INPP5D: variants seen among roughly 807,000 people sequenced by gnomAD.
The protein encoded by INPP5D is phosphatidylinositol 3,4,5-trisphosphate 5-phosphatase 1.
INPP5D carries 33 observed loss-of-function variants against 122.9 expected under a neutral mutation model. The ratio of observed to expected loss-of-function variants is 0.27; its 90% CI spans 0.20 to 0.36. The LOEUF (loss-of-function observed/expected upper bound fraction) is 0.36. Among genes scored for constraint, INPP5D ranks in the 10% least tolerant of loss-of-function variants. The pLI, the probability that INPP5D is intolerant of heterozygous loss-of-function variation, is 1.00. For missense variants in INPP5D, 1,053 were observed against 1,412.7 expected (o/e 0.75, Z 4.08); for synonymous variants, 584 against 576.2 (o/e 1.01, Z -0.19).
chr2:233,089,528 C>T (rs1438615141), intron 2 of INPP5D, among the ~76,000 whole-genome samples: 2 of 152,184 alleles, frequency 1.3e-5, no homozygotes, highest in Admixed American at 1.3e-4. Context: ...GTTTCTCCAA[C>T]CACTGGAGGT....
chr2:233,062,125 C>G (rs1247455954), intron 1 of INPP5D, among the ~76,000 whole-genome samples: 6 of 152,250 alleles, frequency 3.9e-5, no homozygotes, highest in Non-Finnish European at 8.8e-5. Context: ...TCTCACAAGC[C>G]CAGTCTGACT....
chr2:233,159,528 T>C (rs1694144249), intron 10 of INPP5D, among the ~76,000 whole-genome samples: 1 of 133,706 alleles, frequency 7.5e-6, no homozygotes, highest in Non-Finnish European at 1.7e-5. Context: ...TGAGACCTCA[T>C]CTCTACGAAA....
At chr2:233,123,155 G>GA (rs1196712964) in intron 3 of INPP5D, among the ~76,000 whole-genome samples, 1 of 151,896 alleles carries the variant, frequency 6.6e-6, no homozygotes, top group Non-Finnish European at 1.5e-5. Context: ...AAAATATGTT[G>GA]AAAAAAATGT....
intron 1 of INPP5D, 35 bp from the exon 2 acceptor site, chr2:233,079,300 G>A: frequency 7.3e-7 from 1 of 1,367,206 alleles, no homozygotes. Flanking sequence ...GGGTCTTCCT[G>A]CATGGGTTCT....
At chr2:233,152,562 G>T (rs1260660611) in intron 9 of INPP5D, among the ~76,000 whole-genome samples, 3 of 152,182 alleles carry the variant, frequency 2.0e-5, no homozygotes, top group Non-Finnish European at 4.4e-5. Context: ...ATAAACTCTA[G>T]ACCTGGGGAT....
chr2:233,173,461 G>T (rs1020815991), intron 17 of INPP5D, among the ~76,000 whole-genome samples: 7 of 151,796 alleles, frequency 4.6e-5, no homozygotes, highest in African/African-American at 1.5e-4. Context: ...TTATTTATAA[G>T]CTTTTTATTT....
chr2:233,144,234 T>A (rs1444985371), intron 6 of INPP5D, among the ~76,000 whole-genome samples: 2 of 150,164 alleles, frequency 1.3e-5, no homozygotes, highest in Non-Finnish European at 3.0e-5. Context: ...GTGATGGTGA[T>A]GGTGATGGTG....
chr2:233,187,836 G>T (rs1694960019), intron 21 of INPP5D, among the ~76,000 whole-genome samples: 1 of 152,130 alleles, frequency 6.6e-6, no homozygotes, highest in Non-Finnish European at 1.5e-5. Context: ...CTCCTCCCTG[G>T]CTGCTTCCAG....
rs1694289026 is a variant in INPP5D, at chr2:233,164,900, T to C, written c.1555+476T>C. On this transcript the variant is annotated intron_variant, in intron 13 of 26. Transcript: ENST00000445964. The surrounding 1 kb of genome is among the most constrained non-coding windows in gnomAD (Gnocchi z 4.3). ...AGGCAACCCAGAAAGCGAATGGGAG[T>C]GACTGTGTTACCAGTGAGACCTTCC... 7.0e-6 allele frequency among the ~76,000 whole-genome samples: 1 copy of C among 142,434 alleles called. No homozygotes were observed. The highest frequency in any genetic ancestry group is 2.6e-5 in the African/African-American group (1 of 38,918). 93.4% of individuals were successfully genotyped at this position (142,434 alleles called of 152,430 possible).
rs148742517 is a variant in INPP5D, at chr2:233,167,664, T to C, written c.1556-1641T>C. Among the ~76,000 whole-genome samples the C allele has an allele frequency of 9.9e-3, 1,500 of 152,278 alleles. 6 individuals carry two copies. The highest frequency in any genetic ancestry group is 0.012 in the African/African-American group (495 of 41,562). On this transcript the variant is annotated intron_variant, in intron 13 of 26. Coordinates refer to ENST00000445964, the MANE Select transcript of INPP5D (RefSeq NM_001017915.3). ...GTCCTGACAAGGTTGAGCCAGGTGA[T>C]ATCCAGGGGTCCCTTCAGCCTATGG...
At chr2:233,063,723 A>G (rs1473244081) in intron 1 of INPP5D, among the ~76,000 whole-genome samples, 1 of 152,224 alleles carries the variant, frequency 6.6e-6, no homozygotes, top group African/African-American at 2.4e-5. Flanking sequence ...CGGGGCACAG[A>G]CAGTTGCAGT....
At chr2:233,163,007 G>A (rs573955081) in intron 11 of INPP5D, among the ~76,000 whole-genome samples, 37 of 152,168 alleles carry the variant, frequency 2.4e-4, no homozygotes, top group Non-Finnish European at 4.1e-4. Flanking sequence ...CCACCAGCCC[G>A]GGGGTTCGGG....
intron 10 of INPP5D, among the ~76,000 whole-genome samples, chr2:233,159,605 G>C (rs1306934783): frequency 6.8e-6 from 1 of 147,776 alleles, no homozygotes; most frequent in Admixed American, 6.9e-5. Flanking sequence ...GAAGTGGGAG[G>C]ATCGCTTGAA....
Position 233,207,887 on chromosome 2 carries a change from T to C in INPP5D, c.*1179T>C, listed in dbSNP as rs1695555692. 1 of 152,330 alleles carries C rather than the reference T, an allele frequency of 6.6e-6. No homozygotes were observed. Among genetic ancestry groups the C allele is most frequent in the African/African-American group, 2.4e-5 (1 of 41,426 alleles). The allele number at this position is 152,330 out of a possible 1,614,324, so 9.4% of individuals were successfully genotyped here. ...ATGGAAGTCTGCGTAACCAATAAAT[T>C]GTGCCTTTCTCACTCAGCTGTGTGT... On this transcript the variant is annotated 3_prime_UTR_variant, in exon 27 of 27. Coordinates refer to ENST00000445964, the MANE Select transcript of INPP5D (RefSeq NM_001017915.3). The surrounding 1 kb of genome is among the most constrained non-coding windows in gnomAD (Gnocchi z 4.6).
chr2:233,090,741 T>A (rs938381532), intron 2 of INPP5D, among the ~76,000 whole-genome samples: 2 of 152,132 alleles, frequency 1.3e-5, no homozygotes, highest in Non-Finnish European at 2.9e-5. Context: ...GTGGATCACC[T>A]GAGGTCAGGA....
In INPP5D at chr2:233,165,263, G is replaced by A. The variant is rs141353433; in HGVS notation, c.1555+839G>A. Among the ~76,000 whole-genome samples the A allele has an allele frequency of 6.4e-4, 97 of 152,310 alleles. 1 individual carries two copies. The highest frequency in any genetic ancestry group is 2.2e-3 in the African/African-American group (93 of 41,568). On this transcript the variant is annotated intron_variant, in intron 13 of 26. Coordinates refer to ENST00000445964, the MANE Select transcript of INPP5D (RefSeq NM_001017915.3). Reference sequence around the variant, plus strand: ...TATCTATGAGTGTGTGTCTATATGTGTGTGAATCTATGCATGTGTTTGAGT... The same window carrying A: ...TATCTATGAGTGTGTGTCTATATGTATGTGAATCTATGCATGTGTTTGAGT...
chr2:233,190,929 T>C (rs1216397111), intron 22 of INPP5D, among the ~76,000 whole-genome samples: 1 of 152,184 alleles, frequency 6.6e-6, no homozygotes, highest in East Asian at 1.9e-4. Flanking sequence ...TCTGCAGTGA[T>C]CAAGACGACA....
intron 2 of INPP5D, among the ~76,000 whole-genome samples, chr2:233,108,129 C>T (rs982075088): frequency 3.3e-5 from 5 of 152,140 alleles, no homozygotes; most frequent in African/African-American, 9.7e-5. Context: ...TCACACCACC[C>T]TACCCACCCA....
chr2:233,169,259 T>A (rs1694425626), intron 13 of INPP5D, 46 bp from the exon 14 acceptor site: 4 of 1,556,924 alleles, frequency 2.6e-6, no homozygotes, highest in Non-Finnish European at 3.5e-6. Flanking sequence ...CCTTGGCAAG[T>A]GTGTCTGTTT....
Sources: gnomAD v4.1 joint callset for allele counts (sites outside exome capture counted in the v4.1 genomes callset) on GRCh38, gnomAD v4.1.1 for gene constraint, Gnocchi (gnomAD v3.1) non-coding constraint, MANE v1.5 for transcripts, NCBI Gene and HGNC (gene_info 2026-07-23, HGNC 2026-07-21) for gene names.